The following THSD4 variants were observed in gnomAD, a reference collection of about 807,000 sequenced individuals.
THSD4 encodes the protein thrombospondin type 1 domain containing 4, also known as thrombospondin type-1 domain-containing protein 4.
In THSD4, 69 loss-of-function variants were observed where a neutral mutation model predicts 119.0. That is an observed-to-expected ratio of 0.58 (90% CI 0.48 to 0.71). THSD4 has a LOEUF of 0.71. THSD4 is among the 30% of genes least tolerant of loss of function. THSD4 has a pLI of 0.00. For missense variants in THSD4, 1,393 were observed against 1,391.1 expected, an observed-to-expected ratio of 1.00 and a Z score of -0.02; for synonymous variants, 524 against 540.4, an observed-to-expected ratio of 0.97 and a Z score of 0.42.
intron 7 of THSD4, among the ~76,000 whole-genome samples, chr15:71,567,541 A>G (rs868418131): frequency 1.3e-5 from 2 of 151,974 alleles, no homozygotes; most frequent in Non-Finnish European, 2.9e-5. Context: ...GAGTACCGCT[A>G]TAGGAGCATT....
At position 71,408,418 on chromosome 15, in the gene THSD4, A is replaced by C. The variant is rs1465909; in HGVS notation, c.1016-3269A>C. ...CACCTAATTTTTAATTTTTTTGTAGAGACAGGGTCTCATTATGTTGCCCAG... is the reference window on the plus strand; with the variant it reads ...CACCTAATTTTTAATTTTTTTGTAGCGACAGGGTCTCATTATGTTGCCCAG... On this transcript the variant is annotated intron_variant, in intron 6 of 17. Transcript: ENST00000261862. Among the ~76,000 whole-genome samples the C allele has an allele frequency of 7.9e-3, 1,204 of 152,086 alleles. 8 individuals are homozygous for C. The highest frequency in any genetic ancestry group is 0.013 in the Non-Finnish European group (876 of 67,998).
intron 3 of THSD4, chr15:71,165,480 C>G: frequency 7.9e-7 from 1 of 1,259,582 alleles, no homozygotes; most frequent in South Asian, 1.3e-5. Context: ...CTCACTTGCC[C>G]TGGCGCTGTC....
chr15:71,592,228 G>A (rs1229435353), intron 7 of THSD4, among the ~76,000 whole-genome samples: 1 of 152,220 alleles, frequency 6.6e-6, no homozygotes, highest in Non-Finnish European at 1.5e-5. Context: ...GGATCTTTTG[G>A]CAGGGAAACC....
chr15:71,704,173 A>G (rs1424255954), intron 8 of THSD4, among the ~76,000 whole-genome samples: 1 of 152,238 alleles, frequency 6.6e-6, no homozygotes, highest in African/African-American at 2.4e-5. Flanking sequence ...AGTTTTTAAC[A>G]GAACTTAAAG....
chr15:71,649,440 A>G (rs948998648), intron 7 of THSD4, among the ~76,000 whole-genome samples: 3 of 151,866 alleles, frequency 2.0e-5, no homozygotes, highest in Admixed American at 1.3e-4. Context: ...ATGCCTGGCT[A>G]ATTTTTGTAT....
chr15:71,577,689 G>T (rs2049475992), intron 7 of THSD4, among the ~76,000 whole-genome samples: 2 of 36,516 alleles, frequency 5.5e-5, no homozygotes, highest in African/African-American at 1.5e-4. Context: ...AGCCATTGTG[G>T]ACTGGTGCAA....
chr15:71,218,094 C>T (rs1244741749), intron 4 of THSD4, among the ~76,000 whole-genome samples: 1 of 152,178 alleles, frequency 6.6e-6, no homozygotes, highest in Non-Finnish European at 1.5e-5. Context: ...GTTCTTATCA[C>T]TTTACACTCA....
At chr15:71,415,399 A>T (rs972446728) in intron 7 of THSD4, among the ~76,000 whole-genome samples, 1 of 152,148 alleles carries the variant, frequency 6.6e-6, no homozygotes, top group African/African-American at 2.4e-5. Flanking sequence ...AAAAATTCTT[A>T]ATTTGTCATT....
At chr15:71,506,499 C>G (rs1326190025) in intron 7 of THSD4, among the ~76,000 whole-genome samples, 3 of 152,218 alleles carry the variant, frequency 2.0e-5, no homozygotes. Flanking sequence ...CAACCAAGGC[C>G]AGGTTGTTTG....
intron 6 of THSD4, among the ~76,000 whole-genome samples, chr15:71,357,401 G>A (rs1463177744): frequency 6.6e-6 from 1 of 152,204 alleles, no homozygotes; most frequent in East Asian, 1.9e-4. Context: ...TCCCTGGTGG[G>A]AGCTGACAGG....
chr15:71,681,081 T>C (rs1281746533), intron 8 of THSD4, among the ~76,000 whole-genome samples: 1 of 151,824 alleles, frequency 6.6e-6, no homozygotes, highest in Non-Finnish European at 1.5e-5. Context: ...CCATGCCCAG[T>C]TAATTTTTGT....
In THSD4 at chr15:71,449,408, C is replaced by T. The variant is rs555064142; in HGVS notation, c.1152+37585C>T. ...TTTGGAGTCAGACTTGGGTTGCTGTCTGGGTTCCATCACCTACTAACTATT... is the reference window on the plus strand; with the variant it reads ...TTTGGAGTCAGACTTGGGTTGCTGTTTGGGTTCCATCACCTACTAACTATT... On this transcript the variant is annotated intron_variant, in intron 7 of 17. Coordinates refer to ENST00000261862, the MANE Select transcript of THSD4 (RefSeq NM_024817.3). Among the ~76,000 whole-genome samples the T allele has an allele frequency of 5.3e-5, 8 of 152,270 alleles. No individual in the cohort carries two copies. The South Asian group carries it at 1.0e-3, about 20-fold the overall frequency.
At chr15:71,646,385 G>A (rs1475603713) in intron 7 of THSD4, among the ~76,000 whole-genome samples, 1 of 152,104 alleles carries the variant, frequency 6.6e-6, no homozygotes, top group East Asian at 1.9e-4. Flanking sequence ...TTTAACCAGA[G>A]TTTGTTCTCT....
At chr15:71,747,311 G>C (rs1274956996) in intron 13 of THSD4, among the ~76,000 whole-genome samples, 1 of 152,174 alleles carries the variant, frequency 6.6e-6, no homozygotes, top group Non-Finnish European at 1.5e-5. Flanking sequence ...GTGAGTCATG[G>C]TGAAGTGAAG....
chr15:71,385,251 A>T (rs2046280982), intron 6 of THSD4, among the ~76,000 whole-genome samples: 1 of 152,178 alleles, frequency 6.6e-6, no homozygotes, highest in Admixed American at 6.5e-5. Flanking sequence ...AGAAAAACTA[A>T]CCCATGACCT....
intron 7 of THSD4, among the ~76,000 whole-genome samples, chr15:71,619,136 AT>A (rs1327042373): frequency 6.6e-6 from 1 of 150,890 alleles, no homozygotes; most frequent in African/African-American, 2.4e-5. Flanking sequence ...CGCCCGGCTA[AT>A]TTTTGTATTT....
At chr15:71,381,379 A>G (rs1160414062) in intron 6 of THSD4, among the ~76,000 whole-genome samples, 1 of 152,230 alleles carries the variant, frequency 6.6e-6, no homozygotes, top group Non-Finnish European at 1.5e-5. Context: ...GTATTGGCTG[A>G]CTTAATATAA....
intron 7 of THSD4, among the ~76,000 whole-genome samples, chr15:71,537,723 C>T (rs925130434): frequency 1.3e-4 from 19 of 151,882 alleles, no homozygotes; most frequent in Non-Finnish European, 2.8e-4. Flanking sequence ...GAAATACATT[C>T]TCTACTGTGT....
chr15:71,433,457 T>G (rs2046967357), intron 7 of THSD4, among the ~76,000 whole-genome samples: 1 of 117,214 alleles, frequency 8.5e-6, no homozygotes, highest in South Asian at 2.7e-4. Flanking sequence ...TTTTTCTTTG[T>G]TTTTTTTTTT....
Sources: allele counts gnomAD v4.1 joint callset (sites outside exome capture counted in the v4.1 genomes callset), GRCh38; gene constraint gnomAD v4.1.1; transcripts MANE v1.5; gene names NCBI Gene and HGNC (gene_info 2026-07-23, HGNC 2026-07-21).